Variants in LRP1B observed in about 807,000 individuals in gnomAD.
LRP1B encodes LDL receptor related protein 1B, also known as low-density lipoprotein receptor-related protein 1B.
In LRP1B, 217 loss-of-function variants were observed where a neutral mutation model predicts 556.6. The ratio of observed to expected loss-of-function variants is 0.39; its 90% CI spans 0.35 to 0.44. The LOEUF (loss-of-function observed/expected upper bound fraction) is 0.44, where lower values mean the gene tolerates loss of function less well. Ranked by LOEUF, LRP1B falls within the 20% of genes least tolerant of loss-of-function variation. LRP1B has a pLI of 1.00. For synonymous variants in LRP1B, 2,047 were observed against 1,865.8 expected (o/e 1.10, Z -2.50); for missense variants, 5,053 against 5,620.8 (o/e 0.90, Z 3.23).
chr2:141,624,487 A>C (rs192812023), intron 2 of LRP1B, among the ~76,000 whole-genome samples: 2 of 152,116 alleles, frequency 1.3e-5, no homozygotes, highest in African/African-American at 4.8e-5. Context: ...TTAAATATCT[A>C]TTTAGAAGAT....
At chr2:141,272,455 A>T (rs1293504021) in intron 3 of LRP1B, among the ~76,000 whole-genome samples, 1 of 152,306 alleles carries the variant, frequency 6.6e-6, no homozygotes, top group Non-Finnish European at 1.5e-5. Context: ...AATACCAAAC[A>T]TAAATTGGAC....
chr2:140,367,958 G>T (rs1405140204), intron 71 of LRP1B, among the ~76,000 whole-genome samples: 1 of 151,688 alleles, frequency 6.6e-6, no homozygotes, highest in Non-Finnish European at 1.5e-5. Context: ...TGTTGGATAT[G>T]CCACTGATTT....
At chr2:140,733,892 T>G (rs1573638472) in intron 35 of LRP1B, among the ~76,000 whole-genome samples, 1 of 152,210 alleles carries the variant, frequency 6.6e-6, no homozygotes, top group East Asian at 1.9e-4. Context: ...AATTTAATTA[T>G]CATTCCTAAT....
intron 79 of LRP1B, among the ~76,000 whole-genome samples, chr2:140,331,847 C>A (rs1680833067): frequency 6.6e-6 from 1 of 151,700 alleles, no homozygotes; most frequent in African/African-American, 2.4e-5. Flanking sequence ...AGGTACATAC[C>A]ACCATGCCTG....
In LRP1B at chr2:141,405,419, T is replaced by A. The variant is rs78728287; in HGVS notation, c.343+74977A>T. ...TTATTATAGAACTACATTAATTTAG[T>A]CATAATCACATAATTTATAACACAT... On this transcript the variant is annotated intron_variant, in intron 3 of 90. Transcript: ENST00000389484. 3.3e-3 allele frequency among the ~76,000 whole-genome samples: 506 copies of A among 152,254 alleles called. 3 individuals carry two copies. The highest frequency in any genetic ancestry group is 0.012 in the African/African-American group (489 of 41,544).
At chr2:142,115,214 A>C (rs962359785) in intron 1 of LRP1B, among the ~76,000 whole-genome samples, 5 of 151,426 alleles carry the variant, frequency 3.3e-5, no homozygotes, top group African/African-American at 1.2e-4. Context: ...GAAATGCTTT[A>C]GAGAAGTGAT....
chr2:140,296,047 T>C (rs980160071), intron 84 of LRP1B, among the ~76,000 whole-genome samples: 4 of 152,176 alleles, frequency 2.6e-5, no homozygotes, highest in Admixed American at 2.6e-4. Context: ...ACAGTGAGTA[T>C]ATTTTCTTTT....
chr2:141,946,835 T>C (rs997489488), intron 1 of LRP1B, among the ~76,000 whole-genome samples: 2 of 152,184 alleles, frequency 1.3e-5, no homozygotes, highest in East Asian at 3.9e-4. Context: ...AAAGTAACTT[T>C]AATCAAATCA....
In LRP1B at chr2:140,480,948, C is replaced by T. The variant is rs188739113; in HGVS notation, c.9425+4395G>A. On this transcript the variant is annotated intron_variant, in intron 59 of 90. Transcript: ENST00000389484. ...GTGGCACCATCTGGGCTCACTGCAA[C>T]GTCCACCTCCTGGGTTCAAGATATT... 5.1e-4 allele frequency among the ~76,000 whole-genome samples: 77 copies of T among 152,136 alleles called. No homozygotes were observed. In the South Asian group the frequency reaches 5.4e-3, roughly 11 times the overall value.
intron 20 of LRP1B, 37 bp from the exon 21 acceptor site, chr2:140,923,184 G>T (rs368485045): frequency 6.7e-7 from 1 of 1,490,554 alleles, no homozygotes; most frequent in South Asian, 1.2e-5. Flanking sequence ...GCAGAGGGGG[G>T]CAAGACAGGA....
intron 2 of LRP1B, among the ~76,000 whole-genome samples, chr2:141,745,529 G>C (rs1404125339): frequency 2.0e-5 from 3 of 151,688 alleles, no homozygotes; most frequent in Non-Finnish European, 4.4e-5. Flanking sequence ...GGCCTCTTTA[G>C]TCAGTTTGTG....
chr2:141,201,537 T>A (rs1682017681), intron 6 of LRP1B, among the ~76,000 whole-genome samples: 1 of 151,808 alleles, frequency 6.6e-6, no homozygotes, highest in African/African-American at 2.4e-5. Flanking sequence ...TATATTAGAT[T>A]ACTTTAGATT....
intron 3 of LRP1B, among the ~76,000 whole-genome samples, chr2:141,450,086 A>T (rs369807466): frequency 6.6e-6 from 1 of 152,178 alleles, no homozygotes; most frequent in African/African-American, 2.4e-5. Flanking sequence ...GGAAGAAAGG[A>T]TAAAGGAAGA....
intron 49 of LRP1B, among the ~76,000 whole-genome samples, chr2:140,518,739 T>C (rs976366137): frequency 6.6e-6 from 1 of 152,168 alleles, no homozygotes; most frequent in Non-Finnish European, 1.5e-5. Context: ...CTGTCTGTTA[T>C]TGGTGTATAA....
At chr2:140,628,392 C>T (rs540100912) in intron 41 of LRP1B, among the ~76,000 whole-genome samples, 11 of 152,034 alleles carry the variant, frequency 7.2e-5, no homozygotes, top group African/African-American at 2.7e-4. Flanking sequence ...AATAAATTAG[C>T]CGGGCATGGT....
At chr2:141,522,978 A>G (rs889810426) in intron 2 of LRP1B, among the ~76,000 whole-genome samples, 1 of 152,120 alleles carries the variant, frequency 6.6e-6, no homozygotes, top group African/African-American at 2.4e-5. Flanking sequence ...TTCAGGCTTC[A>G]GTGATCTCCT....
At chr2:140,298,805 G>A (rs548827208) in intron 83 of LRP1B, among the ~76,000 whole-genome samples, 3 of 152,228 alleles carry the variant, frequency 2.0e-5, no homozygotes, top group South Asian at 4.1e-4. Context: ...TGCTCAGACT[G>A]TCAAGGCCTG....
intron 31 of LRP1B, among the ~76,000 whole-genome samples, chr2:140,831,563 A>G (rs1307807298): frequency 6.6e-6 from 1 of 152,192 alleles, no homozygotes; most frequent in East Asian, 1.9e-4. Context: ...TAAAACTATT[A>G]AACTACTGAA....
chr2:140,602,402 C>T (rs1682707697), intron 41 of LRP1B, among the ~76,000 whole-genome samples: 3 of 152,022 alleles, frequency 2.0e-5, no homozygotes, highest in South Asian at 4.1e-4. Flanking sequence ...CACAGACATG[C>T]TATGAGTGCA....
Sources: gnomAD v4.1 joint callset for allele counts (sites outside exome capture counted in the v4.1 genomes callset) on GRCh38, gnomAD v4.1.1 for gene constraint, MANE v1.5 for transcripts, NCBI Gene and HGNC (gene_info 2026-07-23, HGNC 2026-07-21) for gene names.